PLAC8: variants seen among roughly 807,000 people sequenced by gnomAD.
PLAC8 encodes the protein placenta-specific gene 8 protein.
A neutral mutation model predicts 12.6 loss-of-function variants in PLAC8; 6 were observed. That is an observed-to-expected ratio of 0.48 (90% CI 0.26 to 0.94). The LOEUF is 0.94. PLAC8 is among the 40% of genes least tolerant of loss of function. The pLI, the probability that PLAC8 is intolerant of heterozygous loss-of-function variation, is 0.14. For missense variants in PLAC8, 122 were observed against 152.7 expected (o/e 0.80, Z 1.06); for synonymous variants, 54 against 52.6 (o/e 1.03, Z -0.11).
Position 83,105,840 on chromosome 4 carries a change from G to A in PLAC8, c.119-820C>T, listed in dbSNP as rs1442287167. On this transcript the variant is annotated intron_variant, in intron 2 of 4. Transcript: ENST00000311507. ...ATCTTTAGAGAGTTTCACCAATGCA[G>A]TCTAATTCTCACTTTGATTTGCAGA... 2.0e-5 allele frequency among the ~76,000 whole-genome samples: 3 copies of A among 152,148 alleles called. No individual in the cohort carries two copies. In the East Asian group the frequency reaches 5.8e-4, roughly 29 times the overall value.
At chr4:83,102,815 G>A (rs909001859) in intron 3 of PLAC8, among the ~76,000 whole-genome samples, 2 of 152,304 alleles carry the variant, frequency 1.3e-5, no homozygotes, top group South Asian at 2.1e-4. Flanking sequence ...GGCCGGGCGC[G>A]GTGGCTCACG....
rs1475503901 is a variant in PLAC8 at position 83,107,222 on chromosome 4, A to C, written c.118+582T>G. ...TCTCAAAAACAAACAAAAAAAAAAA[A>C]CAAAAAAAAAAACAAAGCAGTCAGA... is the stretch of plus-strand genomic sequence containing the variant. On this transcript the variant is annotated intron_variant, in intron 2 of 4. Transcript: ENST00000311507. 5.1e-3 allele frequency among the ~76,000 whole-genome samples: 645 copies of C among 125,542 alleles called. 5 individuals carry two copies. Among genetic ancestry groups the C allele is most frequent in the African/African-American group, 0.017 (560 of 33,054 alleles). 82.4% of individuals were successfully genotyped at this position (125,542 alleles called of 152,430 possible). A position where few individuals can be genotyped will look rare whatever the true frequency, so the allele number is the denominator to read the frequency against.
chr4:83,095,291 T>C (rs776494830), intron 3 of PLAC8, among the ~76,000 whole-genome samples: 9 of 152,200 alleles, frequency 5.9e-5, no homozygotes, highest in Admixed American at 2.6e-4. Flanking sequence ...GGACTGGAAG[T>C]GATTTCATCA....
At chr4:83,093,954 A>C (rs1731866642) in intron 4 of PLAC8, 1 of 152,202 alleles carries the variant, frequency 6.6e-6, no homozygotes, top group Non-Finnish European at 1.5e-5. Flanking sequence ...ATTAACCCAT[A>C]CAGAGTCCTT....
chr4:83,106,492 C>A (rs1349116426), intron 2 of PLAC8, among the ~76,000 whole-genome samples: 1 of 151,908 alleles, frequency 6.6e-6, no homozygotes, highest in Non-Finnish European at 1.5e-5. Context: ...GTTGTGCGTG[C>A]CTGTAACCCC....
chr4:83,094,645 C>A (rs1265599330), intron 4 of PLAC8, 33 bp downstream of exon 4: 1 of 1,118,486 alleles, frequency 8.9e-7, no homozygotes. Flanking sequence ...TAAAAACCCA[C>A]ATGTTCTGAG....
At chr4:83,103,379 G>C (rs1053641104) in intron 3 of PLAC8, among the ~76,000 whole-genome samples, 1 of 152,290 alleles carries the variant, frequency 6.6e-6, no homozygotes, top group Middle Eastern at 3.4e-3. Context: ...TGGCAACAGA[G>C]TGAGACTCCA....
At chr4:83,099,748 A>C (rs1368295318) in intron 3 of PLAC8, among the ~76,000 whole-genome samples, 2 of 152,002 alleles carry the variant, frequency 1.3e-5, no homozygotes, top group Non-Finnish European at 2.9e-5. Flanking sequence ...CTGTAATCCC[A>C]GCACTTTGGA....
At chr4:83,113,843 C>T (rs1467876784) in intron 1 of PLAC8, among the ~76,000 whole-genome samples, 1 of 152,100 alleles carries the variant, frequency 6.6e-6, no homozygotes, top group Admixed American at 6.6e-5. Flanking sequence ...ATATTTTAAA[C>T]ACCTTAATTT....
chr4:83,108,489 G>C (rs1732317269), intron 1 of PLAC8, among the ~76,000 whole-genome samples: 1 of 152,202 alleles, frequency 6.6e-6, no homozygotes, highest in Admixed American at 6.5e-5. Flanking sequence ...AGCTACTCGG[G>C]AGGCCGAGGC....
chr4:83,111,696 C>T (rs1418932709), intron 1 of PLAC8, among the ~76,000 whole-genome samples: 3 of 152,158 alleles, frequency 2.0e-5, no homozygotes, highest in Non-Finnish European at 4.4e-5. Context: ...AATATAATAA[C>T]AGCAATCTGA....
At chr4:83,112,061 C>T (rs1732433919) in intron 1 of PLAC8, among the ~76,000 whole-genome samples, 1 of 151,786 alleles carries the variant, frequency 6.6e-6, no homozygotes, top group African/African-American at 2.4e-5. Context: ...GTAATCCCAG[C>T]TATTCGGGAG....
rs140748811 is a variant in PLAC8 at position 83,108,689 on chromosome 4, G to A, written c.-29-739C>T. 1.4e-3 allele frequency among the ~76,000 whole-genome samples: 214 copies of A among 152,284 alleles called. 2 individuals are homozygous for A. Among genetic ancestry groups the A allele is most frequent in the African/African-American group, 4.5e-3 (188 of 41,558 alleles). On this transcript the variant is annotated intron_variant, in intron 1 of 4. Transcript: ENST00000311507. ...GTAAGGGAGCTGAAGAGTGTTGCTC[G>A]TGTACTGTTTTTAGACAGGTACCTG...
At chr4:83,094,819 A>T in intron 3 of PLAC8, 28 bp from the exon 4 acceptor site, 1 of 1,367,650 alleles carries the variant, frequency 7.3e-7, no homozygotes, top group Non-Finnish European at 1.0e-6. Flanking sequence ...AGAAATAAAA[A>T]TATAAAATTC....
chr4:83,096,759 A>G (rs1731941349), intron 3 of PLAC8, among the ~76,000 whole-genome samples: 1 of 152,198 alleles, frequency 6.6e-6, no homozygotes, highest in Non-Finnish European at 1.5e-5. Flanking sequence ...TTCCTACTTG[A>G]TATATGATAG....
chr4:83,106,114 C>T (rs1732233394), intron 2 of PLAC8, among the ~76,000 whole-genome samples: 2 of 151,996 alleles, frequency 1.3e-5, no homozygotes, highest in Non-Finnish European at 2.9e-5. Flanking sequence ...ATTCTTCTGC[C>T]TCAGCCTCCC....
intron 3 of PLAC8, among the ~76,000 whole-genome samples, chr4:83,095,640 A>C (rs1006374006): frequency 6.6e-6 from 1 of 152,190 alleles, no homozygotes; most frequent in African/African-American, 2.4e-5. Flanking sequence ...CTAAATTCAC[A>C]TCTTCCCTAG....
chr4:83,106,482 GTTGT>G (rs1409269686), intron 2 of PLAC8, among the ~76,000 whole-genome samples: 1 of 151,882 alleles, frequency 6.6e-6, no homozygotes, highest in African/African-American at 2.4e-5. Context: ...GCTGGGTGTG[GTTGT>G]GCGTGCCTGT....
intron 3 of PLAC8, among the ~76,000 whole-genome samples, chr4:83,102,255 G>A (rs1732116861): frequency 6.6e-6 from 1 of 152,196 alleles, no homozygotes; most frequent in Admixed American, 6.5e-5. Flanking sequence ...TTCCTGGCCA[G>A]GTGTGGTGGC....
Sources: allele counts gnomAD v4.1 joint callset (sites outside exome capture counted in the v4.1 genomes callset), GRCh38; gene constraint gnomAD v4.1.1; transcripts MANE v1.5; gene names NCBI Gene and HGNC (gene_info 2026-07-23, HGNC 2026-07-21).